PLCH1: variants seen among roughly 807,000 people sequenced by gnomAD.
PLCH1 encodes 1-phosphatidylinositol 4,5-bisphosphate phosphodiesterase eta-1.
PLCH1 carries 60 observed loss-of-function variants against 126.7 expected under a neutral mutation model. The ratio of observed to expected loss-of-function variants is 0.47; its 90% CI spans 0.38 to 0.59. The LOEUF (loss-of-function observed/expected upper bound fraction) is 0.59. Among genes scored for constraint, PLCH1 ranks in the 20% least tolerant of loss-of-function variants. The pLI, the probability that PLCH1 is intolerant of heterozygous loss-of-function variation, is 0.00. For synonymous variants in PLCH1, 719 were observed against 734.9 expected, an observed-to-expected ratio of 0.98 and a Z score of 0.35; for missense variants, 1,723 against 2,040.0, an observed-to-expected ratio of 0.84 and a Z score of 2.99.
chr3:155,618,447 C>T (rs1205927929), intron 2 of PLCH1, among the ~76,000 whole-genome samples: 1 of 152,118 alleles, frequency 6.6e-6, no homozygotes, highest in Non-Finnish European at 1.5e-5. Flanking sequence ...TCTTCTGTAA[C>T]TAAGACGTTT....
At chr3:155,679,010 A>G (rs944549040) in intron 2 of PLCH1, among the ~76,000 whole-genome samples, 2 of 152,216 alleles carry the variant, frequency 1.3e-5, no homozygotes, top group Non-Finnish European at 1.5e-5. Context: ...GATTTCTTAA[A>G]GAAACATCAT....
chr3:155,627,644 A>T (rs73156520), intron 2 of PLCH1, among the ~76,000 whole-genome samples: 25,671 of 151,144 alleles, frequency 0.17, 2,589 homozygotes, highest in African/African-American at 0.28. Flanking sequence ...AAAAAAAAAA[A>T]AACAAATTGA....
At chr3:155,500,262 C>G (rs1357549364) in intron 14 of PLCH1, among the ~76,000 whole-genome samples, 2 of 152,136 alleles carry the variant, frequency 1.3e-5, no homozygotes, top group African/African-American at 4.8e-5. Context: ...TTCCTTTAAT[C>G]CTTACAATGA....
At chr3:155,470,918 T>C (rs1421400077) in intron 21 of PLCH1, among the ~76,000 whole-genome samples, 6 of 151,920 alleles carry the variant, frequency 3.9e-5, no homozygotes, top group Admixed American at 1.3e-4. Flanking sequence ...AAAGAGCTCC[T>C]GAAGGAAGCG....
chr3:155,666,259 T>G (rs1239026486), intron 2 of PLCH1, among the ~76,000 whole-genome samples: 2 of 152,232 alleles, frequency 1.3e-5, no homozygotes, highest in Admixed American at 6.5e-5. Flanking sequence ...TGTATAAAAG[T>G]GCCAATTTTC....
At chr3:155,660,482 T>C (rs1249959380) in intron 2 of PLCH1, among the ~76,000 whole-genome samples, 4 of 152,232 alleles carry the variant, frequency 2.6e-5, no homozygotes, top group African/African-American at 9.6e-5. Context: ...AAACTTGCTG[T>C]GTGCACAGTT....
intron 1 of PLCH1, among the ~76,000 whole-genome samples, chr3:155,705,106 G>A (rs188781562): frequency 4.6e-5 from 7 of 152,162 alleles, no homozygotes; most frequent in African/African-American, 1.2e-4. Context: ...ACCAAGCAAG[G>A]CTGGCATGAA....
At chr3:155,653,899 T>C (rs1663006598) in intron 2 of PLCH1, among the ~76,000 whole-genome samples, 1 of 152,018 alleles carries the variant, frequency 6.6e-6, no homozygotes, top group Non-Finnish European at 1.5e-5. Context: ...CCTGATCCTA[T>C]ATCCCTCCCT....
intron 2 of PLCH1, among the ~76,000 whole-genome samples, chr3:155,606,581 A>G (rs1734393023): frequency 6.6e-6 from 1 of 152,250 alleles, no homozygotes; most frequent in Non-Finnish European, 1.5e-5. Context: ...CTGTAGTAGT[A>G]ACCATTCACT....
intron 2 of PLCH1, among the ~76,000 whole-genome samples, chr3:155,690,086 A>G (rs1745261779): frequency 6.6e-6 from 1 of 152,174 alleles, no homozygotes; most frequent in Admixed American, 6.5e-5. Flanking sequence ...TGCAGCGCCA[A>G]TACGTCTTGC....
chr3:155,469,391 G>A (rs948901744), intron 21 of PLCH1, among the ~76,000 whole-genome samples: 10 of 152,196 alleles, frequency 6.6e-5, no homozygotes, highest in African/African-American at 2.2e-4. Flanking sequence ...GGTGCACCAC[G>A]AGATTATATC....
intron 2 of PLCH1, among the ~76,000 whole-genome samples, chr3:155,638,384 C>G (rs1347153965): frequency 5.3e-5 from 8 of 152,152 alleles, no homozygotes; most frequent in Non-Finnish European, 8.8e-5. Flanking sequence ...TACATGTTCC[C>G]CACCAGTTTC....
Position 155,485,722 on chromosome 3 carries a change from A to G in PLCH1, c.2620-12T>C, listed in dbSNP as rs1218062678. 1.3e-6 allele frequency: 2 copies of G among 1,535,484 alleles called. No homozygotes were observed. Among genetic ancestry groups the G allele is most frequent in the Non-Finnish European group, 1.8e-6 (2 of 1,130,430 alleles). On this transcript the variant is annotated splice_polypyrimidine_tract_variant and intron_variant, in intron 21 of 22. Coordinates refer to ENST00000460012, the MANE Select transcript of PLCH1 (RefSeq NM_014996.4). ...TGGAGTTGTCTGTTCTGAAGACACA[A>G]AAGAACCAACCACAAGTTAAGCAAA...
Position 155,527,717 on chromosome 3 carries a change from C to G in PLCH1, c.1363-3713G>C, listed in dbSNP as rs530812352. On this transcript the variant is annotated intron_variant, in intron 10 of 22. Coordinates refer to ENST00000460012, the MANE Select transcript of PLCH1 (RefSeq NM_014996.4). ...GGTGGATCACCTGAGGTCACGAGTT[C>G]AAGGCCAGCCTGGGCAACATGGTGA... Among the ~76,000 whole-genome samples, 4 of 151,902 alleles carry G rather than the reference C, an allele frequency of 2.6e-5. No individual in the cohort carries two copies. In the South Asian group the frequency reaches 8.3e-4, roughly 32 times the overall value.
intron 2 of PLCH1, among the ~76,000 whole-genome samples, chr3:155,620,468 T>C (rs546194676): frequency 1.3e-5 from 2 of 152,222 alleles, no homozygotes; most frequent in South Asian, 4.1e-4. Flanking sequence ...GGAAAAAATG[T>C]CATGGAGAAC....
Position 155,566,819 on chromosome 3 carries a change from T to C in PLCH1, c.865+1412A>G, listed in dbSNP as rs146400940. Among the ~76,000 whole-genome samples, 1,168 of 152,262 alleles carry C rather than the reference T, an allele frequency of 7.7e-3. 9 individuals carry two copies. Among genetic ancestry groups the C allele is most frequent in the Non-Finnish European group, 0.012 (834 of 68,010 alleles). ...CATGGATGACTCACAAGTACCTAAA[T>C]AGAATAATTATTAGGGTAAATTATT... is the stretch of plus-strand genomic sequence containing the variant. On this transcript the variant is annotated intron_variant, in intron 7 of 22. Coordinates refer to ENST00000460012, the MANE Select transcript of PLCH1 (RefSeq NM_014996.4).
chr3:155,550,028 C>T (rs1725900468), intron 9 of PLCH1, 70 bp from the exon 10 acceptor site: 1 of 1,103,368 alleles, frequency 9.1e-7, no homozygotes, highest in South Asian at 1.5e-5. Context: ...GAAAATGATT[C>T]AGTATTCACT....
chr3:155,488,884 C>A, intron 19 of PLCH1, 78 bp from the exon 20 acceptor site: 1 of 1,296,002 alleles, frequency 7.7e-7, no homozygotes, highest in Non-Finnish European at 1.1e-6. Flanking sequence ...ATCTGCAAAG[C>A]AGACGGTGAA....
intron 10 of PLCH1, among the ~76,000 whole-genome samples, chr3:155,537,201 CCAAAAAAAAAAAA>C (rs1723508635): frequency 5.3e-5 from 7 of 132,118 alleles, no homozygotes; most frequent in African/African-American, 2.1e-4. Context: ...AAAAAAAAAA[CCAAAAAAAAAAAA>C]AAAAAAAAAA....
Sources: allele counts gnomAD v4.1 joint callset (sites outside exome capture counted in the v4.1 genomes callset), GRCh38; gene constraint gnomAD v4.1.1; transcripts MANE v1.5; gene names NCBI Gene and HGNC (gene_info 2026-07-23, HGNC 2026-07-21).